Variants in TMCC1 observed in about 807,000 individuals in gnomAD.
The protein encoded by TMCC1 is transmembrane and coiled-coil domain family 1.
In TMCC1, 15 loss-of-function variants were observed where a neutral mutation model predicts 52.4. The ratio of observed to expected loss-of-function variants is 0.29; its 90% CI spans 0.19 to 0.44. The LOEUF (loss-of-function observed/expected upper bound fraction) is 0.44, where lower values mean the gene tolerates loss of function less well. TMCC1 is among the 20% of genes least tolerant of loss of function. The pLI is 1.00. For synonymous variants in TMCC1, 279 were observed against 301.9 expected (o/e 0.92, Z 0.79); for missense variants, 503 against 806.0 (o/e 0.62, Z 4.55).
intron 4 of TMCC1, among the ~76,000 whole-genome samples, chr3:129,675,065 C>T (rs538391005): frequency 1.4e-4 from 21 of 152,286 alleles, no homozygotes; most frequent in African/African-American, 3.4e-4. Context: ...GTCTTGAATT[C>T]CTGACCCCCA....
intron 4 of TMCC1, among the ~76,000 whole-genome samples, chr3:129,749,058 A>G (rs1040225143): frequency 1.3e-4 from 19 of 151,932 alleles, no homozygotes; most frequent in African/African-American, 4.4e-4. Flanking sequence ...TTCCACAACA[A>G]CCCAATGAGT....
At position 129,655,330 on chromosome 3, in the gene TMCC1, C is replaced by A. The variant is rs546486878; in HGVS notation, c.1512-227G>T. Among the ~76,000 whole-genome samples the A allele has an allele frequency of 1.8e-4, 28 of 152,286 alleles. No homozygotes were observed. The South Asian group carries it at 3.9e-3, about 21-fold the overall frequency. On this transcript the variant is annotated intron_variant, in intron 5 of 6. Transcript: ENST00000393238. ...CAACATGGCTGTTCCATAATCTTTT[C>A]AATACACAGTATTTGCAGCGATGCC...
intron 4 of TMCC1, among the ~76,000 whole-genome samples, chr3:129,741,679 A>C (rs1471477591): frequency 2.6e-5 from 4 of 152,070 alleles, no homozygotes; most frequent in African/African-American, 9.7e-5. Context: ...TGTTGGCTTT[A>C]TCTTATAAAT....
chr3:129,885,788 G>A (rs2061666441), intron 1 of TMCC1, among the ~76,000 whole-genome samples: 1 of 151,826 alleles, frequency 6.6e-6, no homozygotes. Flanking sequence ...CTGTCACCAG[G>A]TTGGAGTGCA....
chr3:129,654,765 G>A (rs540768188), intron 6 of TMCC1, among the ~76,000 whole-genome samples: 2 of 152,262 alleles, frequency 1.3e-5, no homozygotes, highest in East Asian at 3.9e-4. Context: ...CATTTCCCAA[G>A]TACCAAGCAG....
At chr3:129,804,917 T>A (rs116430044) in intron 4 of TMCC1, among the ~76,000 whole-genome samples, 2 of 152,192 alleles carry the variant, frequency 1.3e-5, no homozygotes, top group East Asian at 3.9e-4. Context: ...AATTCCTATA[T>A]TGGACAGAAG....
rs554307174 is a variant in TMCC1, at chr3:129,651,234, T to C, written c.*247A>G. The C allele has an allele frequency of 4.0e-6, 2 of 498,312 alleles. No homozygotes were observed. The highest frequency in any genetic ancestry group is 5.5e-4 in the Middle Eastern group (1 of 1,834). 30.9% of individuals were successfully genotyped at this position (498,312 alleles called of 1,614,324 possible). On this transcript the variant is annotated 3_prime_UTR_variant, in exon 7 of 7. Transcript: ENST00000393238. The surrounding 1 kb of genome is among the most constrained non-coding windows in gnomAD (Gnocchi z 5.1). ...CATATTAAAGGACTGTTTTAAGATT[T>C]GCATCCCAAGGAAAATCATGCTACA...
intron 2 of TMCC1, among the ~76,000 whole-genome samples, chr3:129,855,752 C>T (rs751054536): frequency 5.9e-5 from 9 of 151,964 alleles, no homozygotes; most frequent in South Asian, 2.1e-4. Flanking sequence ...TTGCCCATTT[C>T]GATGGTAAGC....
At chr3:129,692,344 G>A (rs751616545) in intron 4 of TMCC1, among the ~76,000 whole-genome samples, 13 of 152,088 alleles carry the variant, frequency 8.5e-5, no homozygotes, top group Non-Finnish European at 1.5e-4. Flanking sequence ...AGGATCTTAT[G>A]GTAATTTAAA....
At position 129,671,260 on chromosome 3, in the gene TMCC1, T is replaced by C; in HGVS notation, c.581A>G (p.Glu194Gly). 1 of 1,607,740 alleles carries C rather than the reference T, an allele frequency of 6.2e-7. No individual in the cohort carries two copies. Among genetic ancestry groups the C allele is most frequent in the Non-Finnish European group, 8.5e-7 (1 of 1,176,068 alleles). The part of the protein sequence containing the change: ...PGEEGTAERI[E>G]RLEVSSLAQT... ...GGCAAGGCTGCTTACTTCCAACCGT[T>C]CGATCTAGTGTAAAAACAAGAGGTA... Residue 194 changes from glutamate to glycine, a missense_variant, in exon 5 of 7, where the codon GAA becomes GGA. Transcript: ENST00000393238.
intron 4 of TMCC1, among the ~76,000 whole-genome samples, chr3:129,824,548 A>AAT: frequency 6.6e-6 from 1 of 152,224 alleles, no homozygotes; most frequent in Non-Finnish European, 1.5e-5. Context: ...TTTATATTAA[A>AAT]GGAAACTCAG....
At chr3:129,822,232 G>C (rs2058455941) in intron 4 of TMCC1, among the ~76,000 whole-genome samples, 1 of 152,104 alleles carries the variant, frequency 6.6e-6, no homozygotes, top group Non-Finnish European at 1.5e-5. Flanking sequence ...TTCAGTATTT[G>C]ATATCTACTG....
chr3:129,675,790 C>T (rs2088373744), intron 4 of TMCC1, among the ~76,000 whole-genome samples: 1 of 152,120 alleles, frequency 6.6e-6, no homozygotes, highest in African/African-American at 2.4e-5. Flanking sequence ...GTAATCTCAG[C>T]ACTTTGAGAG....
intron 2 of TMCC1, among the ~76,000 whole-genome samples, chr3:129,833,619 G>A (rs1311988850): frequency 6.6e-6 from 1 of 151,916 alleles, no homozygotes; most frequent in Non-Finnish European, 1.5e-5. Context: ...TTGGCAATGT[G>A]GAGTGACTCA....
intron 5 of TMCC1, among the ~76,000 whole-genome samples, chr3:129,659,256 A>G (rs1451344016): frequency 6.6e-6 from 1 of 151,244 alleles, no homozygotes; most frequent in African/African-American, 2.4e-5. Context: ...TGCACCACCA[A>G]GCCTGGCTAT....
In TMCC1 at chr3:129,828,172, A is replaced by T; in HGVS notation, c.207T>A (p.Asp69Glu). The T allele has an allele frequency of 6.2e-7, 1 of 1,614,166 alleles. No homozygotes were observed. The highest frequency in any genetic ancestry group is 8.5e-7 in the Non-Finnish European group (1 of 1,180,028). The change falls in exon 4 of 7, where the codon GAT (aspartate) becomes GAA (glutamate). Residue 69 changes from aspartate to glutamate, a missense_variant. Transcript: ENST00000393238. This position sits in a 1 kb window ranked among gnomAD's most constrained non-coding sequence, Gnocchi z 4.1. ...CTGGATCTGCCTGAATTTGCTGCAC[A>T]TCATGTGGAGACACTGATGACCTCC... ...QRRRSSVSPH[D>E]VQQIQADPEP...
intron 1 of TMCC1, chr3:129,892,845 G>A (rs1196423314): frequency 6.6e-6 from 1 of 152,082 alleles, no homozygotes; most frequent in Non-Finnish European, 1.5e-5. Context: ...GGCCCTTTAG[G>A]GAAGGTGCAA....
chr3:129,763,542 CAAAAAAAAAAA>C (rs11354197), intron 4 of TMCC1, among the ~76,000 whole-genome samples: 3 of 44,664 alleles, frequency 6.7e-5, no homozygotes, highest in Non-Finnish European at 1.3e-4. Flanking sequence ...GACCCTGTCT[CAAAAAAAAAAA>C]AAAAAAAAAA....
At chr3:129,752,658 T>C (rs1417778047) in intron 4 of TMCC1, among the ~76,000 whole-genome samples, 1 of 149,698 alleles carries the variant, frequency 6.7e-6, no homozygotes, top group Non-Finnish European at 1.5e-5. Flanking sequence ...AGAGCAAGAC[T>C]GTCACACACA....
Sources: gnomAD v4.1 joint callset for allele counts (sites outside exome capture counted in the v4.1 genomes callset) on GRCh38, gnomAD v4.1.1 for gene constraint, Gnocchi (gnomAD v3.1) non-coding constraint, MANE v1.5 for transcripts, NCBI Gene and HGNC (gene_info 2026-07-23, HGNC 2026-07-21) for gene names.